XPNPEP3: variants seen among roughly 807,000 people sequenced by gnomAD.
XPNPEP3 encodes xaa-Pro aminopeptidase 3.
Under a neutral mutation model 60.0 loss-of-function variants are expected in XPNPEP3, and 41 were observed. The ratio of observed to expected loss-of-function variants is 0.68; its 90% CI spans 0.53 to 0.89. The LOEUF (loss-of-function observed/expected upper bound fraction) is 0.89, where lower values mean the gene tolerates loss of function less well. XPNPEP3 is among the 40% of genes least tolerant of loss of function. The pLI is 0.00. For missense variants in XPNPEP3, 598 were observed against 638.9 expected (o/e 0.94, Z 0.69); for synonymous variants, 212 against 223.2 (o/e 0.95, Z 0.45).
chr22:40,878,402 G>T (rs1177516111), intron 2 of XPNPEP3, among the ~76,000 whole-genome samples: 2 of 152,050 alleles, frequency 1.3e-5, no homozygotes, highest in Non-Finnish European at 2.9e-5. Flanking sequence ...GGAATACTTT[G>T]AAGGGTATAA....
At chr22:40,886,781 C>G (rs1355317262) in intron 4 of XPNPEP3, among the ~76,000 whole-genome samples, 1 of 145,164 alleles carries the variant, frequency 6.9e-6, no homozygotes, top group Non-Finnish European at 1.5e-5. Flanking sequence ...GAGCCGAGAT[C>G]GGGCCACTGC....
intron 4 of XPNPEP3, among the ~76,000 whole-genome samples, chr22:40,892,536 G>A (rs1057344805): frequency 1.3e-5 from 2 of 152,050 alleles, no homozygotes; most frequent in African/African-American, 4.8e-5. Context: ...AAATCCACCT[G>A]GCCAGTTGCT....
intron 1 of XPNPEP3, among the ~76,000 whole-genome samples, chr22:40,868,337 A>T (rs933801041): frequency 2.6e-5 from 4 of 151,986 alleles, no homozygotes; most frequent in Non-Finnish European, 4.4e-5. Context: ...TACCCTTTCA[A>T]ACTGCCTCTG....
chr22:40,870,007 T>C (rs1274102654), intron 2 of XPNPEP3: 1 of 470,734 alleles, frequency 2.1e-6, no homozygotes, highest in Non-Finnish European at 4.4e-6. Context: ...GATACCAGTA[T>C]GTTTCTCAGT....
At position 40,927,777 on chromosome 22, in the gene XPNPEP3, A is replaced by C. The variant is rs905801263; in HGVS notation, c.*1342A>C. On this transcript the variant is annotated 3_prime_UTR_variant, in exon 10 of 10. Coordinates refer to ENST00000357137, the MANE Select transcript of XPNPEP3 (RefSeq NM_022098.4). Reference sequence around the variant, plus strand: ...GTAGTCCCAGCTACTCAGGAGGCTGAGGCAGGAGAATGGCGTGAACCCAGA... The same window carrying C: ...GTAGTCCCAGCTACTCAGGAGGCTGCGGCAGGAGAATGGCGTGAACCCAGA... 2.0e-5 allele frequency: 3 copies of C among 147,204 alleles called. No individual in the cohort carries two copies. The highest frequency in any genetic ancestry group is 4.5e-5 in the Non-Finnish European group (3 of 66,940). 9.1% of individuals were successfully genotyped at this position (147,204 alleles called of 1,614,324 possible). A position where few individuals can be genotyped will look rare whatever the true frequency, so the allele number is the denominator to read the frequency against.
At chr22:40,878,597 T>G (rs1045400128) in intron 2 of XPNPEP3, among the ~76,000 whole-genome samples, 2 of 152,044 alleles carry the variant, frequency 1.3e-5, no homozygotes, top group Admixed American at 1.3e-4. Flanking sequence ...CTTTCTTTTT[T>G]TTTTTTTGAG....
chr22:40,926,592 T>G lies in XPNPEP3; in HGVS notation c.*157T>G, dbSNP rs6002204. 5.1e-6 allele frequency: 5 copies of G among 973,496 alleles called. No individual in the cohort carries two copies. Among genetic ancestry groups the G allele is most frequent in the African/African-American group, 3.2e-5 (2 of 61,954 alleles). 60.3% of individuals were successfully genotyped at this position (973,496 alleles called of 1,614,324 possible). A position where few individuals can be genotyped will look rare whatever the true frequency, so the allele number is the denominator to read the frequency against. On this transcript the variant is annotated 3_prime_UTR_variant, in exon 10 of 10. Transcript: ENST00000357137. ...AATGTATGTAATTGTGTGTGGGGGGTTTTTTGTTTTAAGTAGTTAGAAGTC... is the reference window on the plus strand; with the variant it reads ...AATGTATGTAATTGTGTGTGGGGGGGTTTTTGTTTTAAGTAGTTAGAAGTC...
rs1035521302 is a variant in XPNPEP3, at chr22:40,928,431, T to G, written c.*1996T>G. Reference sequence around the variant, plus strand: ...CCTGTTGCCCAGGCCGGTCTCAAACTCCTGAGCTCCGGCAATCCGCCCACC... The same window carrying G: ...CCTGTTGCCCAGGCCGGTCTCAAACGCCTGAGCTCCGGCAATCCGCCCACC... On this transcript the variant is annotated 3_prime_UTR_variant, in exon 10 of 10. Coordinates refer to ENST00000357137, the MANE Select transcript of XPNPEP3 (RefSeq NM_022098.4). 2 of 152,230 alleles carry G rather than the reference T, an allele frequency of 1.3e-5. No individual in the cohort carries two copies. The highest frequency in any genetic ancestry group is 6.6e-5 in the Admixed American group (1 of 15,254). The allele number at this position is 152,230 out of a possible 1,614,324, so 9.4% of individuals were successfully genotyped here.
At chr22:40,881,701 A>G in intron 2 of XPNPEP3, 69 bp from the exon 3 acceptor site, 1 of 1,553,336 alleles carries the variant, frequency 6.4e-7, no homozygotes, top group Non-Finnish European at 8.9e-7. Flanking sequence ...TTTCCATCTA[A>G]TATTAAACTA....
chr22:40,877,458 T>C (rs2058031837), intron 2 of XPNPEP3, among the ~76,000 whole-genome samples: 1 of 152,218 alleles, frequency 6.6e-6, no homozygotes, highest in Admixed American at 6.5e-5. Context: ...CAGTCTTTGT[T>C]ATATCTTCCT....
intron 4 of XPNPEP3, 36 bp downstream of exon 4, chr22:40,886,551 C>T (rs754011316): frequency 1.1e-5 from 18 of 1,600,880 alleles, no homozygotes; most frequent in South Asian, 4.4e-5. Flanking sequence ...TCCAGCCGGG[C>T]GCGGTGGCTC....
At position 40,930,124 on chromosome 22, in the gene XPNPEP3, G is replaced by T. The variant is rs1261369909; in HGVS notation, c.*3689G>T. On this transcript the variant is annotated 3_prime_UTR_variant, in exon 10 of 10. Transcript: ENST00000357137. ...TTTTTTTTTTAAAGGTTTTTTGTGG[G>T]GTTTTTTTGTTTTTTTTTTTTTTGA... The T allele has an allele frequency of 2.0e-5, 3 of 150,060 alleles. No homozygotes were observed. Among genetic ancestry groups the T allele is most frequent in the African/African-American group, 7.4e-5 (3 of 40,772 alleles). The allele number at this position is 150,060 out of a possible 1,614,324, so 9.3% of individuals were successfully genotyped here. A position where few individuals can be genotyped will look rare whatever the true frequency, so the allele number is the denominator to read the frequency against.
At chr22:40,915,551 G>GAA (rs552550340) in intron 7 of XPNPEP3, among the ~76,000 whole-genome samples, 1 of 127,564 alleles carries the variant, frequency 7.8e-6, no homozygotes, top group Non-Finnish European at 1.7e-5. Flanking sequence ...GACTCTATCT[G>GAA]AAAAAAAAAA....
chr22:40,892,577 C>T (rs1222917069), intron 4 of XPNPEP3, among the ~76,000 whole-genome samples: 1 of 152,168 alleles, frequency 6.6e-6, no homozygotes, highest in African/African-American at 2.4e-5. Context: ...CACTAAGGCT[C>T]TCTTATTTTG....
intron 2 of XPNPEP3, among the ~76,000 whole-genome samples, chr22:40,875,973 T>C (rs2058026296): frequency 1.3e-5 from 2 of 152,106 alleles, no homozygotes; most frequent in South Asian, 2.1e-4. Flanking sequence ...TGAGCTAAGA[T>C]TGCGCCACTG....
At chr22:40,859,147 A>G (rs964217236) in intron 1 of XPNPEP3, among the ~76,000 whole-genome samples, 11 of 152,170 alleles carry the variant, frequency 7.2e-5, no homozygotes, top group African/African-American at 2.7e-4. Context: ...TTCTGTGATG[A>G]ATCTTGAACT....
intron 1 of XPNPEP3, among the ~76,000 whole-genome samples, chr22:40,864,502 A>T (rs1015472988): frequency 6.6e-6 from 1 of 151,926 alleles, no homozygotes; most frequent in South Asian, 2.1e-4. Flanking sequence ...CTGGAGTGCA[A>T]TGGTGGGGTC....
intron 1 of XPNPEP3, chr22:40,861,739 A>G: frequency 6.8e-6 from 11 of 1,613,728 alleles, no homozygotes; most frequent in Non-Finnish European, 9.3e-6. Context: ...GTGAAGCCGT[A>G]CTCACATTCA....
intron 2 of XPNPEP3, among the ~76,000 whole-genome samples, chr22:40,870,971 G>A (rs2058002638): frequency 6.6e-6 from 1 of 152,114 alleles, no homozygotes; most frequent in Non-Finnish European, 1.5e-5. Flanking sequence ...GGAGGTTGCA[G>A]TGAGCCAGAA....
Sources: allele counts gnomAD v4.1 joint callset (sites outside exome capture counted in the v4.1 genomes callset), GRCh38; gene constraint gnomAD v4.1.1; transcripts MANE v1.5; gene names NCBI Gene and HGNC (gene_info 2026-07-23, HGNC 2026-07-21).